Variants in EPB41L4B observed in about 807,000 individuals in gnomAD.
EPB41L4B encodes erythrocyte membrane protein band 4.1 like 4B.
Under a neutral mutation model 112.5 loss-of-function variants are expected in EPB41L4B, and 30 were observed. The observed-to-expected ratio is 0.27, with a 90% CI of 0.20 to 0.36. The LOEUF is 0.36. EPB41L4B is among the 10% of genes least tolerant of loss of function. The pLI, the probability that EPB41L4B is intolerant of heterozygous loss-of-function variation, is 1.00. For synonymous variants in EPB41L4B, 408 were observed against 439.7 expected (o/e 0.93, Z 0.90); for missense variants, 1,024 against 1,133.3 (o/e 0.90, Z 1.38).
rs60830526 is a variant in EPB41L4B, at chr9:109,251,680, T to C, written c.1280-169A>G. ...TCTCCTTTCCTCAGGGAGAGTAAAC[T>C]ACCCCTCCCTCTGATTCACTCAGCA... On this transcript the variant is annotated intron_variant, in intron 12 of 25. Transcript: ENST00000374566. 5.9e-3 allele frequency among the ~76,000 whole-genome samples: 892 copies of C among 152,280 alleles called. 6 individuals carry two copies. The highest frequency in any genetic ancestry group is 0.021 in the African/African-American group (870 of 41,560).
chr9:109,197,889 T>A (rs1832700384), intron 20 of EPB41L4B, among the ~76,000 whole-genome samples: 2 of 151,870 alleles, frequency 1.3e-5, no homozygotes, highest in Non-Finnish European at 2.9e-5. Context: ...TTCCAGGTTA[T>A]ATATCAGCCA....
chr9:109,194,843 A>G lies in EPB41L4B; in HGVS notation c.2046-446T>C, dbSNP rs184486564. 3.8e-3 allele frequency among the ~76,000 whole-genome samples: 571 copies of G among 152,212 alleles called. 5 individuals carry two copies. Among genetic ancestry groups the G allele is most frequent in the Non-Finnish European group, 6.9e-3 (470 of 67,996 alleles). ...AACATCAATTCCACTTTCTGTCCCA[A>G]TGAATTTGCCTATTCTAGGAACGTC... On this transcript the variant is annotated intron_variant, in intron 20 of 25. Coordinates refer to ENST00000374566, the MANE Select transcript of EPB41L4B (RefSeq NM_019114.5).
intron 12 of EPB41L4B, 54 bp from the exon 13 acceptor site, chr9:109,251,565 C>T (rs1834789359): frequency 3.9e-6 from 6 of 1,532,940 alleles, no homozygotes; most frequent in Non-Finnish European, 5.4e-6. Context: ...ATCGCTTTCA[C>T]CATGCAATGA....
At chr9:109,269,820 T>A (rs1437787698) in intron 2 of EPB41L4B, among the ~76,000 whole-genome samples, 2 of 152,150 alleles carry the variant, frequency 1.3e-5, no homozygotes, top group African/African-American at 4.8e-5. Flanking sequence ...CTCTGCACAG[T>A]CTAATAACAA....
Position 109,233,096 on chromosome 9 carries a change from TAGG to T in EPB41L4B, c.1409+10519_1409+10521del, listed in dbSNP as rs138338044. On this transcript the variant is annotated intron_variant, in intron 15 of 25. Coordinates refer to ENST00000374566, the MANE Select transcript of EPB41L4B (RefSeq NM_019114.5). Reference sequence around the variant, plus strand: ...CATTCACCATTCAGTAGGGGACGATTAGGAGGTTTCTGTGGGTTTCTTATAACA... The same window carrying T: ...CATTCACCATTCAGTAGGGGACGATTAGGTTTCTGTGGGTTTCTTATAACA... Among the ~76,000 whole-genome samples, 706 of 152,320 alleles carry T rather than the reference TAGG, an allele frequency of 4.6e-3. 4 individuals carry two copies. The highest frequency in any genetic ancestry group is 0.016 in the African/African-American group (674 of 41,556).
chr9:109,242,041 A>G (rs563198476), intron 15 of EPB41L4B, among the ~76,000 whole-genome samples: 1 of 152,332 alleles, frequency 6.6e-6, no homozygotes, highest in Non-Finnish European at 1.5e-5. Flanking sequence ...TCAAGTCATC[A>G]TTTCTCAAAG....
chr9:109,188,943 C>T (rs186442839), intron 22 of EPB41L4B, among the ~76,000 whole-genome samples: 35 of 152,296 alleles, frequency 2.3e-4, no homozygotes, highest in Admixed American at 2.3e-3. Flanking sequence ...GGGAAGCTAG[C>T]ACGGTAGACT....
intron 24 of EPB41L4B, 84 bp from the exon 25 acceptor site, chr9:109,176,780 A>G (rs765548387): frequency 5.5e-5 from 81 of 1,482,302 alleles, no homozygotes; most frequent in Non-Finnish European, 7.1e-5. Flanking sequence ...GCCTTACTCT[A>G]CAGTTCCTGT....
Position 109,237,766 on chromosome 9 carries a change from G to A in EPB41L4B, c.1409+5852C>T, listed in dbSNP as rs1316422297. On this transcript the variant is annotated intron_variant, in intron 15 of 25. Coordinates refer to ENST00000374566, the MANE Select transcript of EPB41L4B (RefSeq NM_019114.5). ...GTTACCAGCCCTGGTGTGTGTGAGT[G>A]GGAGATATGGACAGTTATGACTGGT... 2.0e-5 allele frequency among the ~76,000 whole-genome samples: 3 copies of A among 152,054 alleles called. No individual in the cohort carries two copies. In the East Asian group the frequency reaches 5.8e-4, roughly 29 times the overall value.
intron 24 of EPB41L4B, among the ~76,000 whole-genome samples, chr9:109,177,105 A>G (rs115479019): frequency 0.01 from 1,584 of 152,330 alleles, 29 homozygotes; most frequent in African/African-American, 0.036. Flanking sequence ...TTTATGGGGG[A>G]AAGTGAGGCT....
chr9:109,274,611 C>T (rs186744524), intron 2 of EPB41L4B, among the ~76,000 whole-genome samples: 74 of 152,332 alleles, frequency 4.9e-4, no homozygotes, highest in African/African-American at 1.7e-3. Flanking sequence ...CAAGTCAAAG[C>T]TGGCTGAATG....
chr9:109,311,562 G>T (rs1837415089), intron 1 of EPB41L4B, among the ~76,000 whole-genome samples: 1 of 152,246 alleles, frequency 6.6e-6, no homozygotes, highest in Non-Finnish European at 1.5e-5. Flanking sequence ...TGAAGAAAAT[G>T]CTGGGCACTC....
At chr9:109,179,910 G>A (rs547162557) in intron 24 of EPB41L4B, among the ~76,000 whole-genome samples, 8 of 152,190 alleles carry the variant, frequency 5.3e-5, no homozygotes, top group Admixed American at 4.6e-4. Context: ...GGATGCCACT[G>A]TCCTCCCACT....
rs1438109599 is a variant in EPB41L4B, at chr9:109,251,620, A to T, written c.1280-109T>A. On this transcript the variant is annotated intron_variant, in intron 12 of 25. Coordinates refer to ENST00000374566, the MANE Select transcript of EPB41L4B (RefSeq NM_019114.5). ...ACTTCTACCATCACAGAGCCTTTCC[A>T]ACTCCAACCCAGGCAGAACTGCATG... 1.2e-5 allele frequency: 12 copies of T among 996,224 alleles called. No individual in the cohort carries two copies. In the East Asian group the frequency reaches 2.6e-4, roughly 22 times the overall value. 61.7% of individuals were successfully genotyped at this position (996,224 alleles called of 1,614,324 possible).
chr9:109,230,048 C>T (rs896521658), intron 15 of EPB41L4B, among the ~76,000 whole-genome samples: 1 of 152,176 alleles, frequency 6.6e-6, no homozygotes, highest in African/African-American at 2.4e-5. Flanking sequence ...TGATTGAACA[C>T]CAGTGCAGTA....
intron 1 of EPB41L4B, among the ~76,000 whole-genome samples, chr9:109,313,181 C>A (rs1429942667): frequency 6.6e-6 from 1 of 152,224 alleles, no homozygotes; most frequent in Non-Finnish European, 1.5e-5. Flanking sequence ...ACTCTGTCTG[C>A]CCCTCAAGAC....
intron 16 of EPB41L4B, 48 bp downstream of exon 16, chr9:109,216,874 C>A (rs766779806): frequency 5.1e-6 from 8 of 1,568,754 alleles, no homozygotes; most frequent in Admixed American, 1.7e-5. Flanking sequence ...TCGTGCCCTG[C>A]AGCATTGCTC....
At chr9:109,239,081 T>C (rs763831563) in intron 15 of EPB41L4B, among the ~76,000 whole-genome samples, 2 of 152,038 alleles carry the variant, frequency 1.3e-5, no homozygotes, top group Non-Finnish European at 2.9e-5. Flanking sequence ...GGGAGGAGCA[T>C]GAGCTTGTCA....
chr9:109,240,374 A>G, intron 15 of EPB41L4B: 1 of 985,436 alleles, frequency 1.0e-6, no homozygotes, highest in Non-Finnish European at 1.2e-6. Flanking sequence ...TTCTTGCTGA[A>G]TAGATTTTTG....
Sources: gnomAD v4.1 joint callset for allele counts (sites outside exome capture counted in the v4.1 genomes callset) on GRCh38, gnomAD v4.1.1 for gene constraint, MANE v1.5 for transcripts, NCBI Gene and HGNC (gene_info 2026-07-23, HGNC 2026-07-21) for gene names.